Variants in AP3B1 observed in about 807,000 individuals in gnomAD.
AP3B1 encodes the protein adaptor related protein complex 3 subunit beta 1.
Under a neutral mutation model 132.5 loss-of-function variants are expected in AP3B1, and 61 were observed. The ratio of observed to expected loss-of-function variants is 0.46; its 90% CI spans 0.37 to 0.57. The LOEUF (loss-of-function observed/expected upper bound fraction) is 0.57. Among genes scored for constraint, AP3B1 ranks in the 20% least tolerant of loss-of-function variants. The probability of loss-of-function intolerance (pLI) is 0.00; values close to 1 mark genes in which losing one functional copy is unlikely to be tolerated. For synonymous variants in AP3B1, 388 were observed against 438.3 expected (o/e 0.89, Z 1.43); for missense variants, 1,120 against 1,289.4 (o/e 0.87, Z 2.01).
chr5:78,087,827 T>C (rs1750329262), intron 22 of AP3B1, among the ~76,000 whole-genome samples: 2 of 152,230 alleles, frequency 1.3e-5, no homozygotes, highest in African/African-American at 2.4e-5. Flanking sequence ...GAGTCCATTA[T>C]CACATATCGT....
At chr5:78,159,547 C>T (rs1743300336) in intron 13 of AP3B1, among the ~76,000 whole-genome samples, 1 of 152,138 alleles carries the variant, frequency 6.6e-6, no homozygotes, top group Non-Finnish European at 1.5e-5. Flanking sequence ...AGACCTCTTC[C>T]AACAATCACA....
At chr5:78,092,760 G>A (rs1006559147) in intron 21 of AP3B1, among the ~76,000 whole-genome samples, 7 of 151,902 alleles carry the variant, frequency 4.6e-5, no homozygotes, top group African/African-American at 1.5e-4. Context: ...CAATCCTCCC[G>A]CCTCAGCCTC....
chr5:78,256,019 A>T (rs966748968), intron 2 of AP3B1, among the ~76,000 whole-genome samples: 4 of 152,040 alleles, frequency 2.6e-5, no homozygotes, highest in Admixed American at 6.5e-5. Context: ...TAAGAAAGAA[A>T]CTGAAAAATC....
At chr5:78,258,144 G>C (rs1279019807) in intron 2 of AP3B1, among the ~76,000 whole-genome samples, 22 of 152,150 alleles carry the variant, frequency 1.4e-4, no homozygotes, top group Admixed American at 1.4e-3. Context: ...GGCAACCAAA[G>C]CACAAACAGA....
chr5:78,046,066 G>A (rs749395290), intron 22 of AP3B1, among the ~76,000 whole-genome samples: 6 of 152,090 alleles, frequency 3.9e-5, no homozygotes, highest in East Asian at 3.9e-4. Context: ...GCTGACCCCC[G>A]ATCTAAGGGC....
chr5:78,060,096 T>G (rs566105376), intron 22 of AP3B1, among the ~76,000 whole-genome samples: 4 of 152,236 alleles, frequency 2.6e-5, no homozygotes, highest in African/African-American at 9.6e-5. Context: ...CAAAAAAGAA[T>G]GGAAATCCTG....
chr5:78,134,149 C>CAAAAAAAAAAAAAAAA (rs397961933), intron 15 of AP3B1, among the ~76,000 whole-genome samples: 8 of 74,204 alleles, frequency 1.1e-4, no homozygotes, highest in African/African-American at 3.3e-4. Context: ...AGACTCGCCT[C>CAAAAAAAAAAAAAAAA]AAAAAAAAAA....
At chr5:78,130,490 T>C (rs565750364) in intron 15 of AP3B1, among the ~76,000 whole-genome samples, 1 of 152,058 alleles carries the variant, frequency 6.6e-6, no homozygotes, top group African/African-American at 2.4e-5. Flanking sequence ...CCCAGTTTTA[T>C]TAAAGTAGAA....
At chr5:78,097,839 G>C (rs1014350160) in intron 21 of AP3B1, among the ~76,000 whole-genome samples, 6 of 152,210 alleles carry the variant, frequency 3.9e-5, no homozygotes, top group Non-Finnish European at 7.3e-5. Context: ...AATAGAAAGC[G>C]GGGAAAGGTG....
intron 22 of AP3B1, among the ~76,000 whole-genome samples, chr5:78,040,021 C>T (rs1159944464): frequency 2.0e-5 from 3 of 151,828 alleles, no homozygotes; most frequent in Non-Finnish European, 4.4e-5. Context: ...CCAAAATGAA[C>T]GTCTGGACCT....
At chr5:78,183,418 A>T (rs914110036) in intron 7 of AP3B1, among the ~76,000 whole-genome samples, 1 of 152,218 alleles carries the variant, frequency 6.6e-6, no homozygotes, top group Non-Finnish European at 1.5e-5. Context: ...GGAAGATCTC[A>T]AACTGAATAA....
chr5:78,184,345 T>C (rs1744506417), intron 7 of AP3B1, among the ~76,000 whole-genome samples: 1 of 151,560 alleles, frequency 6.6e-6, no homozygotes, highest in African/African-American at 2.4e-5. Flanking sequence ...ACAACAAGAT[T>C]TACCCAATCT....
intron 2 of AP3B1, among the ~76,000 whole-genome samples, chr5:78,246,709 T>A (rs1283369120): frequency 6.6e-6 from 1 of 152,050 alleles, no homozygotes; most frequent in African/African-American, 2.4e-5. Flanking sequence ...ATTTGTCCTG[T>A]TTTTTCTTGG....
chr5:78,043,890 T>C, intron 22 of AP3B1: 1 of 351,776 alleles, frequency 2.8e-6, no homozygotes, highest in South Asian at 2.8e-5. Context: ...TCTCCTAATT[T>C]GGGAACCATT....
rs1750371684 is a variant in AP3B1 at position 78,088,712 on chromosome 5, AG to A, written c.2577+680del. ...AGATTTCTGACAACAAATTAACAGGAGGTCAAGCATATCAACAGATTATACA... is the reference window on the plus strand; with the variant it reads ...AGATTTCTGACAACAAATTAACAGGAGTCAAGCATATCAACAGATTATACA... On this transcript the variant is annotated intron_variant, in intron 22 of 26. Coordinates refer to ENST00000255194, the MANE Select transcript of AP3B1 (RefSeq NM_003664.5). 2.6e-5 allele frequency among the ~76,000 whole-genome samples: 4 copies of A among 152,324 alleles called. No individual in the cohort carries two copies. In the South Asian group the frequency reaches 8.3e-4, roughly 32 times the overall value.
chr5:78,136,719 GTTTT>G (rs562718959), intron 15 of AP3B1, among the ~76,000 whole-genome samples: 2 of 130,438 alleles, frequency 1.5e-5, no homozygotes, highest in African/African-American at 6.2e-5. Context: ...TGTACTTCTG[GTTTT>G]TTTTTTTAGG....
intron 17 of AP3B1, among the ~76,000 whole-genome samples, chr5:78,125,510 G>A (rs1190314596): frequency 1.3e-5 from 2 of 152,178 alleles, no homozygotes; most frequent in African/African-American, 4.8e-5. Context: ...ATGAAGTAGA[G>A]TGAGAGACAA....
chr5:78,079,747 A>G (rs1749909960), intron 22 of AP3B1, among the ~76,000 whole-genome samples: 1 of 152,210 alleles, frequency 6.6e-6, no homozygotes. Flanking sequence ...AGATTAAAAC[A>G]AAAACAAAAT....
intron 15 of AP3B1, among the ~76,000 whole-genome samples, chr5:78,136,513 GT>G (rs756061932): frequency 6.6e-5 from 10 of 152,146 alleles, no homozygotes; most frequent in Non-Finnish European, 1.3e-4. Context: ...TACTTCAGAG[GT>G]TAACATCTAC....
Sources: allele counts gnomAD v4.1 joint callset (sites outside exome capture counted in the v4.1 genomes callset), GRCh38; gene constraint gnomAD v4.1.1; transcripts MANE v1.5; gene names NCBI Gene and HGNC (gene_info 2026-07-23, HGNC 2026-07-21).